The following GNG7 variants were observed in gnomAD, a reference collection of about 807,000 sequenced individuals.
GNG7 encodes G protein subunit gamma 7, also known as guanine nucleotide-binding protein G(I)/G(S)/G(O) subunit gamma-7.
In GNG7, 1 loss-of-function variant was observed where a neutral mutation model predicts 4.0. The ratio of observed to expected loss-of-function variants is 0.25; its 90% CI spans 0.09 to 1.18. GNG7 has a LOEUF of 1.18. Ranked by LOEUF, GNG7 falls within the 50% of genes most tolerant of loss-of-function variation. GNG7 has a pLI of 0.50. For missense variants in GNG7, 86 were observed against 91.9 expected, an observed-to-expected ratio of 0.94 and a Z score of 0.26; for synonymous variants, 34 against 36.9, an observed-to-expected ratio of 0.92 and a Z score of 0.29.
chr19:2,609,600 C>T lies in GNG7; in HGVS notation c.-78+36624G>A, dbSNP rs528538758. On this transcript the variant is annotated intron_variant, in intron 2 of 4. Coordinates refer to ENST00000382159, the MANE Select transcript of GNG7 (RefSeq NM_052847.3). The surrounding 1 kb of genome is among the most constrained non-coding windows in gnomAD (Gnocchi z 4.4). ...GCAGTGATGTTTGCGCACCACGTCC[C>T]GAGTGCCAGAGCAGACAGGGTCCCA... Among the ~76,000 whole-genome samples the T allele has an allele frequency of 3.9e-5, 6 of 152,256 alleles. No individual in the cohort carries two copies. The highest frequency in any genetic ancestry group is 2.1e-4 in the South Asian group (1 of 4,830).
In GNG7 at chr19:2,614,635, G is replaced by A. The variant is rs896051870; in HGVS notation, c.-78+31589C>T. ...TGGCCTGGGTCAGAGTCTCGTTCAC[G>A]GCTGAGTCTCGTTCCAGTGTGTGGA... is the stretch of plus-strand genomic sequence containing the variant. On this transcript the variant is annotated intron_variant, in intron 2 of 4. Coordinates refer to ENST00000382159, the MANE Select transcript of GNG7 (RefSeq NM_052847.3). The surrounding 1 kb of genome is among the most constrained non-coding windows in gnomAD (Gnocchi z 6.0). Among the ~76,000 whole-genome samples the A allele has an allele frequency of 3.9e-5, 6 of 152,202 alleles. No homozygotes were observed. The highest frequency in any genetic ancestry group is 3.9e-4 in the East Asian group (2 of 5,194).
intron 1 of GNG7, among the ~76,000 whole-genome samples, chr19:2,660,782 C>G (rs1451734679): frequency 2.0e-5 from 3 of 149,770 alleles, no homozygotes; most frequent in Non-Finnish European, 4.5e-5. Context: ...TGGAGGAAGA[C>G]CCTGTCTCAA....
rs993129492 is a variant in GNG7, at chr19:2,643,062, G to A, written c.-78+3162C>T. 4.2e-5 allele frequency: 19 copies of A among 451,316 alleles called. 1 individual carries two copies. The highest frequency in any genetic ancestry group is 3.1e-4 in the African/African-American group (15 of 48,516). 28.0% of individuals were successfully genotyped at this position (451,316 alleles called of 1,614,324 possible). ...GAAATGCAAAGTCTGAGCCCTCTCCGGGCTCTGCACACCTTTCCGCCTTGC... is the reference window on the plus strand; with the variant it reads ...GAAATGCAAAGTCTGAGCCCTCTCCAGGCTCTGCACACCTTTCCGCCTTGC... On this transcript the variant is annotated intron_variant, in intron 2 of 4. Coordinates refer to ENST00000382159, the MANE Select transcript of GNG7 (RefSeq NM_052847.3).
chr19:2,576,549 T>G (rs946524675), intron 2 of GNG7, among the ~76,000 whole-genome samples: 1 of 152,068 alleles, frequency 6.6e-6, no homozygotes, highest in Non-Finnish European at 1.5e-5. Flanking sequence ...ATGTATTTAT[T>G]TATTTATTTA....
intron 2 of GNG7, among the ~76,000 whole-genome samples, chr19:2,559,667 G>A (rs955872819): frequency 1.4e-5 from 2 of 142,730 alleles, no homozygotes; most frequent in African/African-American, 5.3e-5. Context: ...GGCATGCACC[G>A]CCATGCCCAG....
intron 1 of GNG7, among the ~76,000 whole-genome samples, chr19:2,669,786 G>A (rs1035783993): frequency 6.6e-6 from 1 of 151,932 alleles, no homozygotes; most frequent in African/African-American, 2.4e-5. Context: ...GAGGCGGGAG[G>A]ATCACTTGAG....
In GNG7 at chr19:2,626,967, C is replaced by T. The variant is rs1454022715; in HGVS notation, c.-78+19257G>A. On this transcript the variant is annotated intron_variant, in intron 2 of 4. Coordinates refer to ENST00000382159, the MANE Select transcript of GNG7 (RefSeq NM_052847.3). This position sits in a 1 kb window ranked among gnomAD's most constrained non-coding sequence, Gnocchi z 5.0. ...ATTTGGGAATAAACTGAGTGTCCTCCCTACTCACACCAGACACTGGAATAA... is the reference window on the plus strand; with the variant it reads ...ATTTGGGAATAAACTGAGTGTCCTCTCTACTCACACCAGACACTGGAATAA... Among the ~76,000 whole-genome samples the T allele has an allele frequency of 6.6e-6, 1 of 152,020 alleles. No individual in the cohort carries two copies. Among genetic ancestry groups the T allele is most frequent in the Non-Finnish European group, 1.5e-5 (1 of 68,008 alleles).
At chr19:2,585,633 T>G (rs1437642330) in intron 2 of GNG7, among the ~76,000 whole-genome samples, 5 of 152,208 alleles carry the variant, frequency 3.3e-5, no homozygotes, top group Non-Finnish European at 7.3e-5. Context: ...CAGGGGAACT[T>G]TTCCTTTTAA....
intron 2 of GNG7, among the ~76,000 whole-genome samples, chr19:2,616,033 C>T (rs2144827716): frequency 6.6e-6 from 1 of 152,284 alleles, no homozygotes; most frequent in East Asian, 1.9e-4. Flanking sequence ...CAGCAGGGAA[C>T]AGGGCAGGAT....
intron 2 of GNG7, among the ~76,000 whole-genome samples, chr19:2,586,984 C>CAAAA (rs756891397): frequency 1.6e-3 from 80 of 48,590 alleles, no homozygotes; most frequent in Non-Finnish European, 2.1e-3. Flanking sequence ...GACTCCATCT[C>CAAAA]AAAAAAAAAA....
chr19:2,523,772 C>G (rs1254806132), intron 3 of GNG7, among the ~76,000 whole-genome samples: 8 of 152,136 alleles, frequency 5.3e-5, no homozygotes, highest in Non-Finnish European at 1.2e-4. Flanking sequence ...CAGAATTCCT[C>G]TACATTCTTT....
chr19:2,603,009 T>C (rs1981260893), intron 2 of GNG7, among the ~76,000 whole-genome samples: 1 of 151,384 alleles, frequency 6.6e-6, no homozygotes, highest in Non-Finnish European at 1.5e-5. Flanking sequence ...CTTTTCTTTC[T>C]CCCTTTCCTT....
intron 2 of GNG7, among the ~76,000 whole-genome samples, chr19:2,567,482 C>T (rs373090667): frequency 7.2e-4 from 110 of 152,250 alleles, no homozygotes; most frequent in Middle Eastern, 3.4e-3. Context: ...CACACTACCA[C>T]ACCAGCTAAT....
chr19:2,525,560 G>T (rs1978365200), intron 3 of GNG7, among the ~76,000 whole-genome samples: 1 of 152,104 alleles, frequency 6.6e-6, no homozygotes, highest in Non-Finnish European at 1.5e-5. Context: ...AAACAGAGCA[G>T]ACCTGAGCTG....
At chr19:2,666,224 G>A (rs1282062330) in intron 1 of GNG7, among the ~76,000 whole-genome samples, 3 of 151,768 alleles carry the variant, frequency 2.0e-5, no homozygotes, top group African/African-American at 7.3e-5. Flanking sequence ...CCAGGCTGGA[G>A]TGCAGTGGCA....
At position 2,583,415 on chromosome 19, in the gene GNG7, G is replaced by A. The variant is rs114843126; in HGVS notation, c.-77-28227C>T. On this transcript the variant is annotated intron_variant, in intron 2 of 4. Coordinates refer to ENST00000382159, the MANE Select transcript of GNG7 (RefSeq NM_052847.3). ...GCTGGCTCAGCACAGTCTTGCAGCCGTCTTCATGGGGTGAGGTTGGGGAGG... is the reference window on the plus strand; with the variant it reads ...GCTGGCTCAGCACAGTCTTGCAGCCATCTTCATGGGGTGAGGTTGGGGAGG... 3.0e-3 allele frequency among the ~76,000 whole-genome samples: 462 copies of A among 152,272 alleles called. 1 individual carries two copies. Among genetic ancestry groups the A allele is most frequent in the African/African-American group, 0.01 (426 of 41,540 alleles).
chr19:2,570,192 G>C (rs568754691), intron 2 of GNG7, among the ~76,000 whole-genome samples: 26 of 152,242 alleles, frequency 1.7e-4, no homozygotes, highest in African/African-American at 5.5e-4. Context: ...GGCCGTATGA[G>C]ATGCCCGTTC....
At chr19:2,681,745 C>T (rs185810759) in intron 1 of GNG7, among the ~76,000 whole-genome samples, 3 of 152,250 alleles carry the variant, frequency 2.0e-5, no homozygotes, top group African/African-American at 7.2e-5. Flanking sequence ...GCATGAGGAT[C>T]CCCGTGTCTC....
intron 1 of GNG7, among the ~76,000 whole-genome samples, chr19:2,672,606 C>T (rs1003281580): frequency 2.0e-5 from 3 of 151,956 alleles, no homozygotes; most frequent in Admixed American, 1.3e-4. Flanking sequence ...GTCACCACAC[C>T]GGCTAATTTT....
Sources: allele counts gnomAD v4.1 joint callset (sites outside exome capture counted in the v4.1 genomes callset), GRCh38; gene constraint gnomAD v4.1.1; non-coding constraint Gnocchi (gnomAD v3.1); transcripts MANE v1.5; gene names NCBI Gene and HGNC (gene_info 2026-07-23, HGNC 2026-07-21).